Variants in MGMT observed in about 807,000 individuals in gnomAD.
MGMT encodes the protein methylated-DNA--protein-cysteine methyltransferase.
Under a neutral mutation model 15.9 loss-of-function variants are expected in MGMT, and 14 were observed. The observed-to-expected ratio is 0.88, with a 90% CI of 0.58 to 1.37. MGMT has a LOEUF of 1.37. MGMT is among the 40% of genes most tolerant of loss of function. The pLI is 0.00. For synonymous variants in MGMT, 130 were observed against 118.2 expected, an observed-to-expected ratio of 1.10 and a Z score of -0.65; for missense variants, 282 against 268.1, an observed-to-expected ratio of 1.05 and a Z score of -0.36.
intron 2 of MGMT, among the ~76,000 whole-genome samples, chr10:129,560,149 G>A (rs977015851): frequency 1.8e-4 from 27 of 152,326 alleles, no homozygotes; most frequent in Non-Finnish European, 3.1e-4. Flanking sequence ...AGCACGGGGC[G>A]TTCTTGACCA....
chr10:129,645,784 G>T (rs375289392), intron 2 of MGMT, among the ~76,000 whole-genome samples: 14 of 152,326 alleles, frequency 9.2e-5, no homozygotes, highest in South Asian at 4.1e-4. Flanking sequence ...TTTCCAGCCT[G>T]GGGATGACTT....
intron 2 of MGMT, among the ~76,000 whole-genome samples, chr10:129,546,059 T>C (rs1396505709): frequency 1.3e-5 from 2 of 152,250 alleles, no homozygotes; most frequent in African/African-American, 4.8e-5. Context: ...AGTGGGTCTT[T>C]TTGCGATAAA....
rs116238694 is a variant in MGMT, at chr10:129,729,776, G to T, written c.274+21733G>T. On this transcript the variant is annotated intron_variant, in intron 3 of 4. Coordinates refer to ENST00000651593, the MANE Select transcript of MGMT (RefSeq NM_002412.5). ...GGGCCCAGCTCCTTTCCGTTGGGTT[G>T]GTCTTCAAAAGTTAACTAATGGCGG... Among the ~76,000 whole-genome samples the T allele has an allele frequency of 5.8e-3, 882 of 152,250 alleles. 5 individuals are homozygous for T. Among genetic ancestry groups the T allele is most frequent in the African/African-American group, 0.02 (818 of 41,550 alleles).
chr10:129,726,474 G>T (rs777550009), intron 3 of MGMT, among the ~76,000 whole-genome samples: 38 of 152,164 alleles, frequency 2.5e-4, no homozygotes, highest in Non-Finnish European at 4.0e-4. Context: ...GCCCTGAGGG[G>T]TCTTAGGTTC....
chr10:129,699,027 A>AT (rs1445240749), intron 2 of MGMT, among the ~76,000 whole-genome samples: 1 of 152,206 alleles, frequency 6.6e-6, no homozygotes. Flanking sequence ...GCATCCTGTA[A>AT]TTGTTTTGGA....
chr10:129,567,656 T>A (rs1846372271), intron 2 of MGMT, among the ~76,000 whole-genome samples: 1 of 152,140 alleles, frequency 6.6e-6, no homozygotes. Flanking sequence ...GGGTACAGAT[T>A]TACTGGTGTC....
intron 2 of MGMT, among the ~76,000 whole-genome samples, chr10:129,697,720 C>T (rs577147337): frequency 7.9e-5 from 12 of 152,278 alleles, no homozygotes; most frequent in Admixed American, 3.3e-4. Flanking sequence ...GGAGATGTGA[C>T]GTCGAGGCGC....
At position 129,759,351 on chromosome 10, in the gene MGMT, C is replaced by T. The variant is rs753612520; in HGVS notation, c.414+10C>T. 20 of 1,614,018 alleles carry T rather than the reference C, an allele frequency of 1.2e-5. No homozygotes were observed. Among genetic ancestry groups the T allele is most frequent in the East Asian group, 2.2e-5 (1 of 44,892 alleles). On this transcript the variant is annotated intron_variant, in intron 4 of 4. Transcript: ENST00000651593. ...AATGAGAGGCAATCCTGTGAGTTCT[C>T]ATGGCGCAAGCATGGCTGTGGGTGG...
chr10:129,467,330 T>C, intron 1 of MGMT, 34 bp downstream of exon 1: 1 of 1,520,966 alleles, frequency 6.6e-7, no homozygotes, highest in Non-Finnish European at 8.8e-7. Flanking sequence ...CCCGGAAGAG[T>C]GCGGAGCTCT....
intron 1 of MGMT, among the ~76,000 whole-genome samples, chr10:129,505,940 G>A (rs1365131318): frequency 6.7e-6 from 1 of 149,016 alleles, no homozygotes; most frequent in South Asian, 2.1e-4. Flanking sequence ...ACACCAACAG[G>A]CTTTGTGAAT....
intron 1 of MGMT, among the ~76,000 whole-genome samples, chr10:129,509,117 T>G (rs1845655202): frequency 6.6e-6 from 1 of 152,210 alleles, no homozygotes; most frequent in Admixed American, 6.5e-5. Context: ...ATCACCTGGC[T>G]CCACCAGGGT....
Position 129,533,725 on chromosome 10 carries a change from G to A in MGMT, c.-12-2516G>A, listed in dbSNP as rs1311812534. On this transcript the variant is annotated intron_variant, in intron 1 of 4. Coordinates refer to ENST00000651593, the MANE Select transcript of MGMT (RefSeq NM_002412.5). This position sits in a 1 kb window ranked among gnomAD's most constrained non-coding sequence, Gnocchi z 4.5. ...TTTATGAGCCCCTTGTGTGTGTGAT[G>A]TGTGCTGTTCTTCAGGGAGCCCTGA... is the stretch of plus-strand genomic sequence containing the variant. 2.6e-5 allele frequency among the ~76,000 whole-genome samples: 4 copies of A among 152,146 alleles called. No homozygotes were observed. Among genetic ancestry groups the A allele is most frequent in the Non-Finnish European group, 4.4e-5 (3 of 68,038 alleles).
intron 2 of MGMT, among the ~76,000 whole-genome samples, chr10:129,599,319 C>G (rs956551637): frequency 6.6e-6 from 1 of 152,216 alleles, no homozygotes; most frequent in Non-Finnish European, 1.5e-5. Context: ...AGGCCACATT[C>G]AAAACATGGA....
chr10:129,707,142 TG>T (rs1848173589), intron 2 of MGMT, among the ~76,000 whole-genome samples: 1 of 151,938 alleles, frequency 6.6e-6, no homozygotes, highest in African/African-American at 2.4e-5. Context: ...CTGGCCGTGG[TG>T]GCAGTCGCCT....
At chr10:129,483,238 A>G (rs1845376842) in intron 1 of MGMT, among the ~76,000 whole-genome samples, 1 of 152,216 alleles carries the variant, frequency 6.6e-6, no homozygotes. Context: ...ATTGCTACAT[A>G]TGTAATATTC....
At chr10:129,496,545 A>G (rs61859847) in intron 1 of MGMT, among the ~76,000 whole-genome samples, 9,060 of 152,214 alleles carry the variant, frequency 0.06, 380 homozygotes, top group Admixed American at 0.077. Flanking sequence ...GTCTCTAGCC[A>G]TTATTTCCAT....
Position 129,738,041 on chromosome 10 carries a change from A to G in MGMT, c.275-21161A>G, listed in dbSNP as rs540116072. Among the ~76,000 whole-genome samples the G allele has an allele frequency of 1.4e-3, 211 of 152,332 alleles. 1 individual carries two copies. The highest frequency in any genetic ancestry group is 4.6e-3 in the African/African-American group (193 of 41,584). On this transcript the variant is annotated intron_variant, in intron 3 of 4. Transcript: ENST00000651593. Reference sequence around the variant, plus strand: ...TGCCCTGCCCCCAGAGGTGGAGCCTACAGAGGCAGGCAGGCCTCCTTGAGC... The same window carrying G: ...TGCCCTGCCCCCAGAGGTGGAGCCTGCAGAGGCAGGCAGGCCTCCTTGAGC...
At chr10:129,638,036 A>G (rs924735509) in intron 2 of MGMT, among the ~76,000 whole-genome samples, 1 of 152,184 alleles carries the variant, frequency 6.6e-6, no homozygotes, top group Non-Finnish European at 1.5e-5. Context: ...TCTCAGGCTG[A>G]AATTCTAGGT....
At chr10:129,573,286 A>G (rs1318451133) in intron 2 of MGMT, among the ~76,000 whole-genome samples, 2 of 152,176 alleles carry the variant, frequency 1.3e-5, no homozygotes, top group Non-Finnish European at 2.9e-5. Flanking sequence ...AGATTTTTAA[A>G]AAACTTTTAA....
Sources: allele counts gnomAD v4.1 joint callset (sites outside exome capture counted in the v4.1 genomes callset), GRCh38; gene constraint gnomAD v4.1.1; non-coding constraint Gnocchi (gnomAD v3.1); transcripts MANE v1.5; gene names NCBI Gene and HGNC (gene_info 2026-07-23, HGNC 2026-07-21).